The following IRAK3 variants were observed in gnomAD, a reference collection of about 807,000 sequenced individuals.
IRAK3 encodes the protein interleukin-1 receptor-associated kinase 3.
A neutral mutation model predicts 56.6 loss-of-function variants in IRAK3; 57 were observed. The ratio of observed to expected loss-of-function variants is 1.01; its 90% confidence interval spans 0.81 to 1.26. The LOEUF is 1.26. IRAK3 is among the 50% of genes most tolerant of loss of function. The pLI is 0.00. For missense variants in IRAK3, 703 were observed against 719.0 expected, an observed-to-expected ratio of 0.98 and a Z score of 0.25; for synonymous variants, 258 against 255.7, an observed-to-expected ratio of 1.01 and a Z score of -0.09.
intron 1 of IRAK3, chr12:66,197,267 G>A (rs2052463337): frequency 1.7e-6 from 2 of 1,154,730 alleles, no homozygotes; most frequent in Non-Finnish European, 2.1e-6. Context: ...ATTAGTCATT[G>A]AGAACTTTTC....
At chr12:66,197,115 G>T in intron 1 of IRAK3, 1 of 1,306,938 alleles carries the variant, frequency 7.7e-7, no homozygotes, top group South Asian at 2.4e-5. Context: ...TTCTTAGGTT[G>T]ACTTTTTGGC....
Position 66,244,966 on chromosome 12 carries a change from A to C in IRAK3, c.1105A>C (p.Thr369Pro), listed in dbSNP as rs2053012092. 6.2e-7 allele frequency: 1 copy of C among 1,612,798 alleles called. No individual in the cohort carries two copies. The highest frequency in any genetic ancestry group is 8.5e-7 in the Non-Finnish European group (1 of 1,178,854). The change falls in exon 10 of 12, where the codon ACA becomes CCA. Residue 369 changes from threonine (T) to proline (P), a missense_variant. Transcript: ENST00000261233. The part of the protein sequence containing the change: ...SFGIVIMEVL[T>P]GCRVVLDDPK... ...CTTGTAGGTAATAATGGAAGTTCTA[A>C]CAGGATGTAGAGTAGTGTTAGATGA...
chr12:66,214,539 A>AAAAACAAAACAAAACAAAACAAAAC (rs71096078), intron 5 of IRAK3, among the ~76,000 whole-genome samples: 40 of 147,996 alleles, frequency 2.7e-4, no homozygotes, highest in Middle Eastern at 6.9e-3. Flanking sequence ...AGACCCTATC[A>AAAAACAAAACAAAACAAAACAAAAC]AAAACAAAAC....
rs61927119 is a variant in IRAK3 at position 66,219,346 on chromosome 12, G to C, written c.653+2111G>C. The stretch of plus-strand genomic sequence containing the variant: ...GGGCAGTTTCTCCCATACTGTTCTT[G>C]TGATAGTGAATAAGTCTCACAAGAT... On this transcript the variant is annotated intron_variant, in intron 6 of 11. Transcript: ENST00000261233. Among the ~76,000 whole-genome samples, 1,318 of 151,194 alleles carry C rather than the reference G, an allele frequency of 8.7e-3. 8 individuals are homozygous for C. Among genetic ancestry groups the C allele is most frequent in the Non-Finnish European group, 0.016 (1,048 of 67,562 alleles).
intron 8 of IRAK3, among the ~76,000 whole-genome samples, chr12:66,229,176 G>T (rs1487591100): frequency 6.6e-6 from 1 of 152,144 alleles, no homozygotes; most frequent in African/African-American, 2.4e-5. Flanking sequence ...TGAGCCTGCT[G>T]TCTCATAACT....
At chr12:66,243,531 C>A (rs1363742154) in intron 8 of IRAK3, among the ~76,000 whole-genome samples, 1 of 152,200 alleles carries the variant, frequency 6.6e-6, no homozygotes, top group East Asian at 1.9e-4. Flanking sequence ...TTGGCTGCCC[C>A]ACCTCCTTCT....
rs566528161 is a variant in IRAK3 at position 66,221,024 on chromosome 12, T to C, written c.653+3789T>C. On this transcript the variant is annotated intron_variant, in intron 6 of 11. Coordinates refer to ENST00000261233, the MANE Select transcript of IRAK3 (RefSeq NM_007199.3). The stretch of plus-strand genomic sequence containing the variant: ...TATGTAATGCATCTTTCCATTTATT[T>C]GTGTCTTCTTCAGTTTCTTTCATCA... 1.3e-4 allele frequency among the ~76,000 whole-genome samples: 20 copies of C among 152,366 alleles called. No homozygotes were observed. In the South Asian group the frequency reaches 3.5e-3, roughly 27 times the overall value.
intron 1 of IRAK3, among the ~76,000 whole-genome samples, chr12:66,196,626 C>T (rs1293900481): frequency 6.6e-6 from 1 of 152,080 alleles, no homozygotes; most frequent in Non-Finnish European, 1.5e-5. Flanking sequence ...GTTATGAGTC[C>T]TACTCAGGCA....
chr12:66,242,697 GGGCTTT>G (rs2052983397), intron 8 of IRAK3, among the ~76,000 whole-genome samples: 1 of 151,634 alleles, frequency 6.6e-6, no homozygotes, highest in African/African-American at 2.4e-5. Flanking sequence ...CTCAGAAGGT[GGGCTTT>G]TTGGATTTTA....
chr12:66,216,243 A>G (rs2052675774), intron 5 of IRAK3, among the ~76,000 whole-genome samples: 1 of 152,238 alleles, frequency 6.6e-6, no homozygotes, highest in Non-Finnish European at 1.5e-5. Flanking sequence ...AGTGTTAGAG[A>G]TGGGCGGAAA....
intron 5 of IRAK3, among the ~76,000 whole-genome samples, chr12:66,213,313 G>A (rs1223401423): frequency 6.6e-6 from 1 of 152,156 alleles, no homozygotes; most frequent in Non-Finnish European, 1.5e-5. Context: ...CGTGGGAATT[G>A]TGGGAGCTAC....
intron 5 of IRAK3, 97 bp downstream of exon 5, chr12:66,211,694 T>A: frequency 9.5e-7 from 1 of 1,057,770 alleles, no homozygotes; most frequent in East Asian, 2.4e-5. Flanking sequence ...GAAAGGGGTA[T>A]TTGAAAATAA....
At chr12:66,226,675 C>T in intron 6 of IRAK3, 48 bp from the exon 7 acceptor site, 1 of 1,073,792 alleles carries the variant, frequency 9.3e-7, no homozygotes, top group Non-Finnish European at 1.5e-6. Flanking sequence ...TGTTCATTTC[C>T]TGTCTGAATA....
At chr12:66,225,431 G>A (rs890850927) in intron 6 of IRAK3, among the ~76,000 whole-genome samples, 2 of 151,900 alleles carry the variant, frequency 1.3e-5, no homozygotes, top group Non-Finnish European at 2.9e-5. Flanking sequence ...AGGAAGAAAA[G>A]GAATCAGAAT....
intron 8 of IRAK3, chr12:66,234,210 T>G: frequency 6.2e-7 from 1 of 1,614,042 alleles, no homozygotes; most frequent in East Asian, 2.2e-5. Context: ...GCTCCTTGCA[T>G]AGCTGACGTT....
At position 66,203,722 on chromosome 12, in the gene IRAK3, T is replaced by C; in HGVS notation, c.145T>C (p.Ser49Pro). Residue 49 changes from serine (S) to proline (P), a missense_variant, in exon 2 of 12, where the codon TCA becomes CCA. Transcript: ENST00000261233. ...TGCAATTTCCACAGCAGAGAGACTT[T>C]CAAGCAGCTGGCTGGATGTTCGTCA... Reference protein sequence around the residue: ...LGWRGLAERLSSSWLDVRHIE... With the variant: ...LGWRGLAERLPSSWLDVRHIE... The C allele has an allele frequency of 1.2e-6, 2 of 1,614,038 alleles. No homozygotes were observed. Among genetic ancestry groups the C allele is most frequent in the Middle Eastern group, 1.7e-4 (1 of 6,058 alleles).
At position 66,244,640 on chromosome 12, in the gene IRAK3, CAG is replaced by C. The variant is rs774650261; in HGVS notation, c.1043_1044del (p.Gln348ArgfsTer6). On this transcript the variant is annotated frameshift_variant, in exon 9 of 12. Coordinates refer to ENST00000261233, the MANE Select transcript of IRAK3 (RefSeq NM_007199.3). LOFTEE classifies it high-confidence loss of function. ...GTACATGCCAGAAGAGTACATCAGA[CAG>C]GGGAAACTTTCCATTAAAACAGATG... ...LWYMPEEYIR[Q>X]GKLSIKTDVY... 1.9e-6 allele frequency: 3 copies of C among 1,613,934 alleles called. No homozygotes were observed. The highest frequency in any genetic ancestry group is 2.2e-5 in the East Asian group (1 of 44,858).
intron 6 of IRAK3, among the ~76,000 whole-genome samples, chr12:66,219,062 G>A (rs2052706089): frequency 6.6e-6 from 1 of 152,110 alleles, no homozygotes; most frequent in African/African-American, 2.4e-5. Context: ...GTGTGTGTGT[G>A]TGTGTGTCTC....
intron 7 of IRAK3, among the ~76,000 whole-genome samples, chr12:66,227,691 T>C (rs1416155580): frequency 2.0e-5 from 3 of 148,352 alleles, no homozygotes; most frequent in African/African-American, 7.7e-5. Context: ...CCCAGGGACA[T>C]GGAGGCTGTA....
Sources: gnomAD v4.1 joint callset for allele counts (sites outside exome capture counted in the v4.1 genomes callset) on GRCh38, gnomAD v4.1.1 for gene constraint, MANE v1.5 for transcripts, NCBI Gene and HGNC (gene_info 2026-07-23, HGNC 2026-07-21) for gene names.